The following AGBL4 variants were observed in gnomAD, a reference collection of about 807,000 sequenced individuals.
AGBL4 encodes the protein AGBL carboxypeptidase 4, also known as cytosolic carboxypeptidase 6.
AGBL4 carries 58 observed loss-of-function variants against 66.4 expected under a neutral mutation model. The ratio of observed to expected loss-of-function variants is 0.87; its 90% CI spans 0.71 to 1.09. AGBL4 has a LOEUF of 1.09. Ranked by LOEUF, AGBL4 falls within the 50% of genes least tolerant of loss-of-function variation. The pLI, the probability that AGBL4 is intolerant of heterozygous loss-of-function variation, is 0.00. For missense variants in AGBL4, 579 were observed against 631.0 expected, an observed-to-expected ratio of 0.92 and a Z score of 0.88; for synonymous variants, 234 against 222.9, an observed-to-expected ratio of 1.05 and a Z score of -0.44.
chr1:48,968,231 A>G (rs1658612129), intron 5 of AGBL4, among the ~76,000 whole-genome samples: 1 of 152,164 alleles, frequency 6.6e-6, no homozygotes, highest in African/African-American at 2.4e-5. Context: ...GAGGAAACAG[A>G]AGAATAGTAG....
intron 2 of AGBL4, among the ~76,000 whole-genome samples, chr1:49,718,064 T>C (rs150519679): frequency 3.3e-5 from 5 of 152,172 alleles, no homozygotes; most frequent in African/African-American, 9.6e-5. Context: ...TAAGATGCTA[T>C]GTAAAAGTGG....
intron 4 of AGBL4, among the ~76,000 whole-genome samples, chr1:49,238,519 C>T (rs1349413313): frequency 6.6e-6 from 1 of 152,066 alleles, no homozygotes; most frequent in Non-Finnish European, 1.5e-5. Context: ...GATCTGACAC[C>T]ACGAAGAGGA....
chr1:49,730,831 G>A (rs1040926279), intron 2 of AGBL4, among the ~76,000 whole-genome samples: 2 of 152,202 alleles, frequency 1.3e-5, no homozygotes, highest in Non-Finnish European at 2.9e-5. Context: ...TCTGGCTGGC[G>A]AAGTGGCACA....
intron 2 of AGBL4, among the ~76,000 whole-genome samples, chr1:49,809,481 T>C (rs1176910760): frequency 6.6e-6 from 1 of 152,142 alleles, no homozygotes; most frequent in Non-Finnish European, 1.5e-5. Flanking sequence ...AACTATGAAC[T>C]TACAGGTCTA....
At chr1:49,849,828 T>G (rs1205731985) in intron 2 of AGBL4, among the ~76,000 whole-genome samples, 1 of 152,166 alleles carries the variant, frequency 6.6e-6, no homozygotes, top group Non-Finnish European at 1.5e-5. Flanking sequence ...GAATCTGAAT[T>G]ATTGCAGGCT....
chr1:48,745,293 G>T (rs1476329360), intron 6 of AGBL4, among the ~76,000 whole-genome samples: 1 of 152,144 alleles, frequency 6.6e-6, no homozygotes, highest in Non-Finnish European at 1.5e-5. Flanking sequence ...TGTTCTGAAT[G>T]TCTGTAATCT....
chr1:48,776,838 C>A (rs953433587), intron 6 of AGBL4: 1 of 1,493,900 alleles, frequency 6.7e-7, no homozygotes, highest in Non-Finnish European at 8.9e-7. Flanking sequence ...ACATGGTGGG[C>A]GCCGGGGGCG....
intron 2 of AGBL4, among the ~76,000 whole-genome samples, chr1:49,731,099 C>T (rs1379006276): frequency 6.6e-6 from 1 of 152,072 alleles, no homozygotes; most frequent in Non-Finnish European, 1.5e-5. Context: ...AGTGTGAGGA[C>T]AAAGTACTTA....
intron 6 of AGBL4, among the ~76,000 whole-genome samples, chr1:48,837,818 G>A (rs1646720013): frequency 6.8e-6 from 1 of 148,068 alleles, no homozygotes; most frequent in East Asian, 2.0e-4. Flanking sequence ...GAGGGGCATG[G>A]GAGAGATACA....
intron 3 of AGBL4, among the ~76,000 whole-genome samples, chr1:49,423,956 T>C (rs1192982351): frequency 1.3e-5 from 2 of 152,098 alleles, no homozygotes; most frequent in Non-Finnish European, 2.9e-5. Context: ...GACCTTCAAC[T>C]CTCTTAAATA....
intron 5 of AGBL4, among the ~76,000 whole-genome samples, chr1:48,947,427 ATGGGAGAGGGCAGCATTCACCTTTCTCTT>A (rs1253422075): frequency 3.9e-5 from 6 of 152,188 alleles, no homozygotes; most frequent in African/African-American, 7.2e-5. Context: ...GGGGTAGAGA[ATGGGAGAGGGCAGCATTCACCTTTCTCTT>A]TGGTTACACT....
chr1:49,649,393 T>A (rs912975271), intron 3 of AGBL4, among the ~76,000 whole-genome samples: 14 of 152,148 alleles, frequency 9.2e-5, no homozygotes, highest in African/African-American at 3.4e-4. Context: ...TATACAATGA[T>A]TCAGGTCACT....
At chr1:49,816,752 T>C (rs1360597373) in intron 2 of AGBL4, among the ~76,000 whole-genome samples, 1 of 152,220 alleles carries the variant, frequency 6.6e-6, no homozygotes, top group Non-Finnish European at 1.5e-5. Flanking sequence ...GTCTCTTGTA[T>C]ATTAGATAAC....
intron 2 of AGBL4, among the ~76,000 whole-genome samples, chr1:49,758,882 A>T (rs1319180954): frequency 6.6e-6 from 1 of 152,128 alleles, no homozygotes; most frequent in Non-Finnish European, 1.5e-5. Context: ...GGCCAGAGGC[A>T]CAATGATATG....
intron 1 of AGBL4, among the ~76,000 whole-genome samples, chr1:49,928,428 T>C (rs931451158): frequency 1.3e-5 from 2 of 151,898 alleles, no homozygotes; most frequent in Non-Finnish European, 2.9e-5. Flanking sequence ...TTTTTGTATT[T>C]TTAGTATAGA....
chr1:49,633,725 G>A (rs1216924490), intron 3 of AGBL4, among the ~76,000 whole-genome samples: 2 of 151,348 alleles, frequency 1.3e-5, no homozygotes, highest in Non-Finnish European at 2.9e-5. Flanking sequence ...ATTTCTTCAT[G>A]ATCACACTAT....
At chr1:49,439,706 G>A (rs1645982069) in intron 3 of AGBL4, among the ~76,000 whole-genome samples, 1 of 152,158 alleles carries the variant, frequency 6.6e-6, no homozygotes, top group Non-Finnish European at 1.5e-5. Flanking sequence ...AGAAAAACGT[G>A]AAAAGAATAG....
chr1:49,771,384 T>C (rs1032690164), intron 2 of AGBL4, among the ~76,000 whole-genome samples: 24 of 152,256 alleles, frequency 1.6e-4, no homozygotes, highest in Admixed American at 3.9e-4. Context: ...TCTATTTTCT[T>C]AAATTTCATT....
intron 4 of AGBL4, among the ~76,000 whole-genome samples, chr1:49,129,426 T>A (rs1408537158): frequency 6.6e-6 from 1 of 151,622 alleles, no homozygotes; most frequent in Non-Finnish European, 1.5e-5. Context: ...ACTCGTCATT[T>A]AGCATTAGGT....
Sources: gnomAD v4.1 joint callset for allele counts (sites outside exome capture counted in the v4.1 genomes callset) on GRCh38, gnomAD v4.1.1 for gene constraint, MANE v1.5 for transcripts, NCBI Gene and HGNC (gene_info 2026-07-23, HGNC 2026-07-21) for gene names.